ANTXR2: variants seen among roughly 807,000 people sequenced by gnomAD.
The protein encoded by ANTXR2 is ANTXR cell adhesion molecule 2.
ANTXR2 carries 44 observed loss-of-function variants against 73.7 expected under a neutral mutation model. The observed-to-expected ratio is 0.60, with a 90% CI of 0.47 to 0.77. The LOEUF (loss-of-function observed/expected upper bound fraction) is 0.77. Among genes scored for constraint, ANTXR2 ranks in the 30% least tolerant of loss-of-function variants. The probability of loss-of-function intolerance (pLI) is 0.00; values close to 1 mark genes in which losing one functional copy is unlikely to be tolerated. For synonymous variants in ANTXR2, 217 were observed against 205.9 expected (o/e 1.05, Z -0.46); for missense variants, 604 against 592.5 (o/e 1.02, Z -0.20).
intron 3 of ANTXR2, among the ~76,000 whole-genome samples, chr4:80,062,270 T>C (rs1467540258): frequency 2.0e-5 from 3 of 152,178 alleles, no homozygotes; most frequent in Admixed American, 1.3e-4. Flanking sequence ...CAATTTGGCC[T>C]GCACCTACCA....
At chr4:80,066,634 C>A (rs1004890518) in intron 3 of ANTXR2, among the ~76,000 whole-genome samples, 1 of 152,112 alleles carries the variant, frequency 6.6e-6, no homozygotes, top group Non-Finnish European at 1.5e-5. Flanking sequence ...AGTGATAAAG[C>A]CTTTATCTCT....
intron 12 of ANTXR2, among the ~76,000 whole-genome samples, chr4:80,000,109 C>A (rs567092122): frequency 6.6e-6 from 1 of 152,106 alleles, no homozygotes; most frequent in South Asian, 2.1e-4. Flanking sequence ...TTAGGTGAGG[C>A]ATCCCTGTGG....
At chr4:80,038,618 T>TC (rs1733091982) in intron 7 of ANTXR2, among the ~76,000 whole-genome samples, 1 of 152,114 alleles carries the variant, frequency 6.6e-6, no homozygotes, top group Non-Finnish European at 1.5e-5. Context: ...CAGTAAACAG[T>TC]ATAGCTTACA....
intron 11 of ANTXR2, among the ~76,000 whole-genome samples, chr4:80,010,803 TTTA>T (rs1372024532): frequency 1.3e-5 from 2 of 151,838 alleles, no homozygotes; most frequent in Non-Finnish European, 2.9e-5. Context: ...ACAAATATAA[TTTA>T]TTATTACAAT....
chr4:80,017,219 T>C (rs1731916040), intron 11 of ANTXR2, among the ~76,000 whole-genome samples: 1 of 152,218 alleles, frequency 6.6e-6, no homozygotes, highest in Non-Finnish European at 1.5e-5. Flanking sequence ...TCCAGCACAC[T>C]GGCTGGTTGC....
At chr4:79,937,428 G>GT (rs1317046034) in intron 16 of ANTXR2, among the ~76,000 whole-genome samples, 11 of 152,244 alleles carry the variant, frequency 7.2e-5, no homozygotes, top group African/African-American at 2.6e-4. Flanking sequence ...AAGTTTCACT[G>GT]TAACATACTC....
intron 3 of ANTXR2, among the ~76,000 whole-genome samples, chr4:80,069,034 A>T (rs1012287727): frequency 1.3e-5 from 2 of 152,204 alleles, no homozygotes; most frequent in African/African-American, 4.8e-5. Flanking sequence ...GAAATCCAGG[A>T]TGTCTACTGA....
intron 12 of ANTXR2, among the ~76,000 whole-genome samples, chr4:79,993,994 T>A (rs1730608758): frequency 6.6e-6 from 1 of 151,892 alleles, no homozygotes; most frequent in South Asian, 2.1e-4. Context: ...ACTGATAACA[T>A]TTTAAGTATG....
chr4:79,919,905 AT>A (rs1560856424), intron 16 of ANTXR2, among the ~76,000 whole-genome samples: 3 of 17,584 alleles, frequency 1.7e-4, no homozygotes, highest in Non-Finnish European at 2.4e-4. Flanking sequence ...ATATATATAT[AT>A]ATATATATAT....
chr4:79,927,258 G>C (rs576882772), intron 16 of ANTXR2, among the ~76,000 whole-genome samples: 1 of 150,610 alleles, frequency 6.6e-6, no homozygotes, highest in African/African-American at 2.4e-5. Context: ...TCATATATTG[G>C]AAATTAGCAA....
At chr4:80,063,711 T>A (rs1330225504) in intron 3 of ANTXR2, among the ~76,000 whole-genome samples, 1 of 152,166 alleles carries the variant, frequency 6.6e-6, no homozygotes, top group African/African-American at 2.4e-5. Flanking sequence ...ACTTAGTATA[T>A]CTCTTATATG....
At chr4:80,006,074 C>G (rs1456165946) in intron 12 of ANTXR2, among the ~76,000 whole-genome samples, 2 of 152,206 alleles carry the variant, frequency 1.3e-5, no homozygotes, top group East Asian at 1.9e-4. Flanking sequence ...ATTCATGACT[C>G]AGAACTGAAT....
intron 16 of ANTXR2, among the ~76,000 whole-genome samples, chr4:79,933,880 G>A (rs371618430): frequency 7.1e-4 from 108 of 151,622 alleles, no homozygotes; most frequent in African/African-American, 2.5e-3. Flanking sequence ...GACTACAGGC[G>A]CCCAACACCA....
At chr4:79,936,695 C>G (rs1728275253) in intron 16 of ANTXR2, among the ~76,000 whole-genome samples, 1 of 152,084 alleles carries the variant, frequency 6.6e-6, no homozygotes, top group Non-Finnish European at 1.5e-5. Context: ...AAAAGACTAA[C>G]ACATGAAATA....
At chr4:79,991,627 G>A (rs572968836) in intron 12 of ANTXR2, among the ~76,000 whole-genome samples, 20 of 151,898 alleles carry the variant, frequency 1.3e-4, no homozygotes, top group Middle Eastern at 6.8e-3. Flanking sequence ...AATATAAATC[G>A]TTCTACCAAA....
At chr4:80,047,327 T>C (rs1241219378) in intron 7 of ANTXR2, among the ~76,000 whole-genome samples, 1 of 151,814 alleles carries the variant, frequency 6.6e-6, no homozygotes, top group African/African-American at 2.4e-5. Context: ...GGAAACTTTC[T>C]ATGTTTATTA....
chr4:79,954,391 T>C (rs572988235), intron 16 of ANTXR2, among the ~76,000 whole-genome samples: 9 of 152,294 alleles, frequency 5.9e-5, no homozygotes, highest in Admixed American at 3.9e-4. Flanking sequence ...GTGAGATGTT[T>C]TGATAATTAG....
chr4:80,070,380 G>C (rs1232381229), intron 2 of ANTXR2, among the ~76,000 whole-genome samples: 1 of 152,192 alleles, frequency 6.6e-6, no homozygotes, highest in African/African-American at 2.4e-5. Context: ...ATAAGAGCTT[G>C]CTTCTTTAAA....
At chr4:79,957,720 ATT>A (rs916138938) in intron 16 of ANTXR2, among the ~76,000 whole-genome samples, 1 of 152,046 alleles carries the variant, frequency 6.6e-6, no homozygotes, top group Admixed American at 6.6e-5. Context: ...CCTTGAAGCC[ATT>A]TTTTGTGGCC....
Sources: gnomAD v4.1 joint callset for allele counts (sites outside exome capture counted in the v4.1 genomes callset) on GRCh38, gnomAD v4.1.1 for gene constraint, MANE v1.5 for transcripts, NCBI Gene and HGNC (gene_info 2026-07-23, HGNC 2026-07-21) for gene names.